SPAG16: variants seen among roughly 807,000 people sequenced by gnomAD.
SPAG16 encodes the protein sperm-associated antigen 16 protein.
A neutral mutation model predicts 80.4 loss-of-function variants in SPAG16; 86 were observed. The ratio of observed to expected loss-of-function variants is 1.07; its 90% CI spans 0.90 to 1.28. SPAG16 has a LOEUF of 1.28. Ranked by LOEUF, SPAG16 falls within the 50% of genes most tolerant of loss-of-function variation. The pLI, the probability that SPAG16 is intolerant of heterozygous loss-of-function variation, is 0.00. For missense variants in SPAG16, 870 were observed against 765.3 expected (o/e 1.14, Z -1.61); for synonymous variants, 294 against 265.9 (o/e 1.11, Z -1.03).
intron 9 of SPAG16, among the ~76,000 whole-genome samples, chr2:213,477,019 G>C (rs1420276310): frequency 6.6e-6 from 1 of 152,132 alleles, no homozygotes; most frequent in Non-Finnish European, 1.5e-5. Flanking sequence ...AGCTGAGTCG[G>C]GTTTTTATGG....
At chr2:213,318,797 A>G (rs1028454025) in intron 5 of SPAG16, among the ~76,000 whole-genome samples, 6 of 151,916 alleles carry the variant, frequency 3.9e-5, no homozygotes, top group African/African-American at 1.2e-4. Flanking sequence ...CACTAATACC[A>G]TATTTTGTAA....
intron 15 of SPAG16, among the ~76,000 whole-genome samples, chr2:214,180,739 T>G (rs945924016): frequency 6.6e-6 from 1 of 151,746 alleles, no homozygotes; most frequent in Non-Finnish European, 1.5e-5. Flanking sequence ...AAATTATTTC[T>G]TTGCAGTATG....
intron 15 of SPAG16, among the ~76,000 whole-genome samples, chr2:214,283,625 TAAAA>T (rs1429347051): frequency 6.6e-6 from 1 of 152,038 alleles, no homozygotes; most frequent in East Asian, 1.9e-4. Context: ...TTACAAAAAA[TAAAA>T]AAATAAAAAG....
At chr2:214,393,567 T>C (rs996318347) in intron 15 of SPAG16, among the ~76,000 whole-genome samples, 1 of 151,608 alleles carries the variant, frequency 6.6e-6, no homozygotes, top group Non-Finnish European at 1.5e-5. Context: ...TAAAATATAA[T>C]TAATGAAAAT....
At chr2:213,756,573 T>C (rs957049290) in intron 10 of SPAG16, among the ~76,000 whole-genome samples, 1 of 152,238 alleles carries the variant, frequency 6.6e-6, no homozygotes, top group African/African-American at 2.4e-5. Context: ...TTTGTAGCTG[T>C]AGACTTTAAC....
chr2:213,511,542 T>TA (rs1473877968), intron 10 of SPAG16, among the ~76,000 whole-genome samples: 1 of 152,066 alleles, frequency 6.6e-6, no homozygotes, highest in Non-Finnish European at 1.5e-5. Context: ...TTCCTTTTTT[T>TA]AAAAAAATCT....
At chr2:213,979,020 G>A (rs536188277) in intron 12 of SPAG16, among the ~76,000 whole-genome samples, 12 of 151,774 alleles carry the variant, frequency 7.9e-5, no homozygotes, top group Non-Finnish European at 1.0e-4. Context: ...AAATAAGGAC[G>A]GAAAATAATA....
chr2:213,928,793 G>A (rs1559598239), intron 11 of SPAG16, among the ~76,000 whole-genome samples: 1 of 151,912 alleles, frequency 6.6e-6, no homozygotes, highest in Non-Finnish European at 1.5e-5. Context: ...TAAATAAGTG[G>A]TATATTACAA....
chr2:214,303,873 T>C (rs1483030375), intron 15 of SPAG16, among the ~76,000 whole-genome samples: 3 of 152,220 alleles, frequency 2.0e-5, no homozygotes, highest in Non-Finnish European at 4.4e-5. Context: ...TTTTAACTTT[T>C]AAGTTCAGGG....
chr2:214,040,970 A>G (rs62191934), intron 13 of SPAG16, among the ~76,000 whole-genome samples: 41,604 of 151,914 alleles, frequency 0.27, 6,163 homozygotes, highest in Middle Eastern at 0.31. Context: ...GACTCCAGTT[A>G]TAGTAAATTG....
At chr2:214,296,697 G>A (rs1694159360) in intron 15 of SPAG16, among the ~76,000 whole-genome samples, 3 of 152,118 alleles carry the variant, frequency 2.0e-5, no homozygotes, top group African/African-American at 4.8e-5. Flanking sequence ...CTTTTGAGAA[G>A]TGTCTGTTCA....
At chr2:213,677,787 G>A (rs557582689) in intron 10 of SPAG16, among the ~76,000 whole-genome samples, 1 of 152,036 alleles carries the variant, frequency 6.6e-6, no homozygotes, top group Non-Finnish European at 1.5e-5. Context: ...ATCTATAGAA[G>A]TCTCCACCCC....
chr2:213,683,940 G>A (rs1478744289), intron 10 of SPAG16, among the ~76,000 whole-genome samples: 2 of 152,168 alleles, frequency 1.3e-5, no homozygotes, highest in East Asian at 3.9e-4. Context: ...AAATGTCAGA[G>A]TATTCTAACT....
chr2:213,771,425 T>G (rs780970396), intron 10 of SPAG16, among the ~76,000 whole-genome samples: 16 of 152,204 alleles, frequency 1.1e-4, no homozygotes, highest in Admixed American at 2.0e-4. Flanking sequence ...TGATGATGGT[T>G]TCTTTTGCTG....
intron 13 of SPAG16, among the ~76,000 whole-genome samples, chr2:214,075,634 C>T (rs6738653): frequency 0.53 from 81,019 of 151,944 alleles, 22,696 homozygotes; most frequent in Non-Finnish European, 0.59. Context: ...ACTTCATATC[C>T]TCAGGGGAAT....
intron 15 of SPAG16, among the ~76,000 whole-genome samples, chr2:214,364,663 G>A (rs898829188): frequency 6.6e-6 from 1 of 152,088 alleles, no homozygotes; most frequent in Non-Finnish European, 1.5e-5. Context: ...TTTTCAAAGT[G>A]GTTTCTGATT....
At chr2:214,353,347 A>G (rs1018861425) in intron 15 of SPAG16, among the ~76,000 whole-genome samples, 14 of 152,170 alleles carry the variant, frequency 9.2e-5, no homozygotes, top group African/African-American at 3.4e-4. Flanking sequence ...TACTATGCAT[A>G]GAGAGATCAG....
chr2:213,994,207 G>T (rs552723231), intron 12 of SPAG16, among the ~76,000 whole-genome samples: 1 of 152,188 alleles, frequency 6.6e-6, no homozygotes, highest in South Asian at 2.1e-4. Context: ...GATTTTATGG[G>T]CAGGAGGAGT....
intron 12 of SPAG16, among the ~76,000 whole-genome samples, chr2:213,985,118 C>G (rs1249597230): frequency 2.0e-5 from 3 of 152,038 alleles, no homozygotes. Context: ...CTCTGTCTTA[C>G]TGCTTAGAAT....
Sources: gnomAD v4.1 joint callset for allele counts (sites outside exome capture counted in the v4.1 genomes callset) on GRCh38, gnomAD v4.1.1 for gene constraint, MANE v1.5 for transcripts, NCBI Gene and HGNC (gene_info 2026-07-23, HGNC 2026-07-21) for gene names.